Variants in CNOT10 observed in about 807,000 individuals in gnomAD.
CNOT10 encodes the protein CCR4-NOT transcription complex subunit 10.
CNOT10 carries 30 observed loss-of-function variants against 94.6 expected under a neutral mutation model. The observed-to-expected ratio is 0.32, with a 90% CI of 0.24 to 0.43. The LOEUF is 0.43. Among genes scored for constraint, CNOT10 ranks in the 20% least tolerant of loss-of-function variants. The pLI, the probability that CNOT10 is intolerant of heterozygous loss-of-function variation, is 1.00. For missense variants in CNOT10, 759 were observed against 877.2 expected, an observed-to-expected ratio of 0.87 and a Z score of 1.70; for synonymous variants, 289 against 301.6, an observed-to-expected ratio of 0.96 and a Z score of 0.43.
intron 18 of CNOT10, among the ~76,000 whole-genome samples, chr3:32,770,569 C>T (rs2125651233): frequency 6.6e-6 from 1 of 152,206 alleles, no homozygotes; most frequent in Non-Finnish European, 1.5e-5. Flanking sequence ...TCATGATCTG[C>T]CCACCTCGGC....
intron 11 of CNOT10, among the ~76,000 whole-genome samples, chr3:32,733,996 A>G (rs982445230): frequency 3.3e-5 from 5 of 152,208 alleles, no homozygotes; most frequent in African/African-American, 7.2e-5. Context: ...TGTCACATGT[A>G]TAATCTTCAT....
At chr3:32,702,352 A>G (rs1697391893) in intron 1 of CNOT10, among the ~76,000 whole-genome samples, 1 of 148,940 alleles carries the variant, frequency 6.7e-6, no homozygotes, top group Non-Finnish European at 1.5e-5. Flanking sequence ...GGTTTGGTTC[A>G]GCTGAGATTT....
chr3:32,729,894 A>G lies in CNOT10; in HGVS notation c.1215+2024A>G, dbSNP rs567377468. Among the ~76,000 whole-genome samples the G allele has an allele frequency of 6.3e-3, 917 of 145,604 alleles. 5 individuals carry two copies. The highest frequency in any genetic ancestry group is 1.0e-2 in the Non-Finnish European group (667 of 66,804). On this transcript the variant is annotated intron_variant, in intron 10 of 18. Coordinates refer to ENST00000328834, the MANE Select transcript of CNOT10 (RefSeq NM_015442.3). Reference sequence around the variant, plus strand: ...CGCCATTCTCCTGCCTCAGCCTCCCAAGTAGCTGGGACTACAGGCGCCCGC... The same window carrying G: ...CGCCATTCTCCTGCCTCAGCCTCCCGAGTAGCTGGGACTACAGGCGCCCGC...
At chr3:32,751,823 T>C (rs1472755356) in intron 13 of CNOT10, among the ~76,000 whole-genome samples, 1 of 152,174 alleles carries the variant, frequency 6.6e-6, no homozygotes, top group Non-Finnish European at 1.5e-5. Context: ...TACGACTGAG[T>C]GTGGTCCTCC....
At chr3:32,720,815 C>A (rs1019230095) in intron 8 of CNOT10, among the ~76,000 whole-genome samples, 1 of 150,812 alleles carries the variant, frequency 6.6e-6, no homozygotes, top group East Asian at 2.0e-4. Flanking sequence ...TTTAACCTGA[C>A]TTGCCTGCCC....
At chr3:32,692,142 G>T (rs1345229867) in intron 1 of CNOT10, among the ~76,000 whole-genome samples, 1 of 151,784 alleles carries the variant, frequency 6.6e-6, no homozygotes, top group Non-Finnish European at 1.5e-5. Context: ...TGGGTGGATT[G>T]CTTGAACCTA....
chr3:32,754,866 G>A (rs538992194), intron 13 of CNOT10, among the ~76,000 whole-genome samples: 24 of 150,250 alleles, frequency 1.6e-4, no homozygotes, highest in Non-Finnish European at 2.5e-4. Flanking sequence ...CATACTGCCT[G>A]TGGGGTAGCC....
chr3:32,756,318 T>C (rs1308719150), intron 13 of CNOT10, among the ~76,000 whole-genome samples: 2 of 152,226 alleles, frequency 1.3e-5, no homozygotes, highest in East Asian at 3.8e-4. Context: ...TTATAGTCTT[T>C]TACCCTGTTT....
chr3:32,764,435 T>A lies in CNOT10; in HGVS notation c.1841-20T>A. On this transcript the variant is annotated intron_variant, in intron 15 of 18. Coordinates refer to ENST00000328834, the MANE Select transcript of CNOT10 (RefSeq NM_015442.3). ...TGCTCTGTTGTTCTGCCCCTCAGAT[T>A]TATTTTCGTGTTTTTGTAGGATCAG... The A allele has an allele frequency of 1.2e-6, 2 of 1,613,372 alleles. No homozygotes were observed. The highest frequency in any genetic ancestry group is 1.7e-6 in the Non-Finnish European group (2 of 1,179,682).
intron 8 of CNOT10, among the ~76,000 whole-genome samples, chr3:32,721,366 C>G (rs1440482432): frequency 7.1e-6 from 1 of 140,134 alleles, no homozygotes; most frequent in Non-Finnish European, 1.5e-5. Context: ...CTGGCCCTTT[C>G]ATTTGTTTTT....
At chr3:32,763,347 C>T (rs1700531421) in intron 15 of CNOT10, among the ~76,000 whole-genome samples, 1 of 151,920 alleles carries the variant, frequency 6.6e-6, no homozygotes, top group Non-Finnish European at 1.5e-5. Context: ...TGTTTTAAGT[C>T]ATTGCTAAAT....
chr3:32,753,957 C>A, intron 13 of CNOT10: 4 of 831,414 alleles, frequency 4.8e-6, no homozygotes, highest in Non-Finnish European at 3.7e-6. Flanking sequence ...ATTAGCTGGG[C>A]ATGGAGGTGC....
chr3:32,746,569 G>A (rs1159851290), intron 13 of CNOT10, among the ~76,000 whole-genome samples: 1 of 152,160 alleles, frequency 6.6e-6, no homozygotes, highest in Non-Finnish European at 1.5e-5. Flanking sequence ...GGGTGCAGTG[G>A]CTCTCGCCTG....
intron 13 of CNOT10, chr3:32,753,297 C>T: frequency 1.1e-6 from 1 of 912,232 alleles, no homozygotes; most frequent in Non-Finnish European, 1.8e-6. Context: ...GGCCCAGAAT[C>T]TGATGTGTGG....
intron 13 of CNOT10, among the ~76,000 whole-genome samples, chr3:32,754,489 A>AAAAAAAAAAT (rs77878221): frequency 4.3e-5 from 3 of 70,218 alleles, no homozygotes; most frequent in Admixed American, 4.6e-4. Flanking sequence ...AAAAAAAAAA[A>AAAAAAAAAAT]ATACATATAT....
At chr3:32,686,220 T>A (rs1026685567) in intron 1 of CNOT10, among the ~76,000 whole-genome samples, 16 of 152,246 alleles carry the variant, frequency 1.1e-4, no homozygotes, top group Non-Finnish European at 1.9e-4. Context: ...TATAAAATTA[T>A]TTCCTGACCT....
intron 13 of CNOT10, among the ~76,000 whole-genome samples, chr3:32,742,365 T>C (rs1699508708): frequency 6.6e-6 from 1 of 151,936 alleles, no homozygotes; most frequent in Non-Finnish European, 1.5e-5. Context: ...TAGCTTTTTG[T>C]TTTGTTTTGG....
intron 10 of CNOT10, among the ~76,000 whole-genome samples, chr3:32,732,846 G>A (rs1280864313): frequency 6.6e-6 from 1 of 152,170 alleles, no homozygotes; most frequent in Non-Finnish European, 1.5e-5. Context: ...CTATGTATGT[G>A]TAAGTAGCTT....
At chr3:32,720,073 C>T (rs1234179566) in intron 7 of CNOT10, 41 bp from the exon 8 acceptor site, 2 of 1,091,458 alleles carry the variant, frequency 1.8e-6, no homozygotes, top group Admixed American at 3.8e-5. Context: ...CATTAGGCGT[C>T]TGAAAACAAA....
Sources: allele counts gnomAD v4.1 joint callset (sites outside exome capture counted in the v4.1 genomes callset), GRCh38; gene constraint gnomAD v4.1.1; transcripts MANE v1.5; gene names NCBI Gene and HGNC (gene_info 2026-07-23, HGNC 2026-07-21).